CCDC186: variants seen among roughly 807,000 people sequenced by gnomAD.
CCDC186 encodes the protein coiled-coil domain containing 186.
In CCDC186, 49 loss-of-function variants were observed where a neutral mutation model predicts 113.7. The ratio of observed to expected loss-of-function variants is 0.43; its 90% confidence interval spans 0.34 to 0.55. CCDC186 has a LOEUF of 0.55. Ranked by LOEUF, CCDC186 falls within the 20% of genes least tolerant of loss-of-function variation. The probability of loss-of-function intolerance (pLI) is 0.02; values close to 1 mark genes in which losing one functional copy is unlikely to be tolerated. For missense variants in CCDC186, 890 were observed against 1,011.1 expected (o/e 0.88, Z 1.62); for synonymous variants, 355 against 345.8 (o/e 1.03, Z -0.30).
At chr10:114,125,550 C>CA (rs2030871185) in intron 15 of CCDC186, among the ~76,000 whole-genome samples, 2 of 151,754 alleles carry the variant, frequency 1.3e-5, no homozygotes, top group African/African-American at 4.8e-5. Context: ...ATATTAACTG[C>CA]AAAAAATAAA....
At chr10:114,141,853 A>C (rs2031478742) in intron 6 of CCDC186, among the ~76,000 whole-genome samples, 2 of 152,126 alleles carry the variant, frequency 1.3e-5, no homozygotes, top group Admixed American at 6.5e-5. Context: ...ACTCTCCAGG[A>C]ATACCTCATT....
intron 2 of CCDC186, among the ~76,000 whole-genome samples, 164 bp from the exon 3 acceptor site, chr10:114,157,844 CT>C (rs1270577696): frequency 1.3e-5 from 2 of 152,136 alleles, no homozygotes; most frequent in African/African-American, 4.8e-5. Flanking sequence ...AAACATAATA[CT>C]TTGCAAAAGA....
intron 6 of CCDC186, among the ~76,000 whole-genome samples, chr10:114,142,808 C>T (rs921126881): frequency 2.0e-5 from 3 of 152,102 alleles, no homozygotes; most frequent in Admixed American, 6.6e-5. Flanking sequence ...AGAAAGGGTG[C>T]CTCAAGAAAA....
chr10:114,145,630 A>G lies in CCDC186; in HGVS notation c.1020T>C (p.Asn340=). The G allele has an allele frequency of 6.2e-7, 1 of 1,613,268 alleles. No homozygotes were observed. The highest frequency in any genetic ancestry group is 1.1e-5 in the South Asian group (1 of 90,894). Residue 340 remains asparagine, a synonymous_variant, in exon 5 of 16, where the codon AAT becomes AAC. Transcript: ENST00000369287. ...ETLEKKLRDA[N]KELEKNTNKI... ...TGTTAGTGTTTTTCTCAAGTTCCTT[A>G]TTTGCATCTCTAAGTTTTTTCTCAA...
At chr10:114,131,899 GT>G in intron 11 of CCDC186, 29 bp downstream of exon 11, 1 of 1,558,508 alleles carries the variant, frequency 6.4e-7, no homozygotes, top group Non-Finnish European at 8.7e-7. Context: ...TTGTTACGTT[GT>G]TTTAAAAAAA....
intron 11 of CCDC186, among the ~76,000 whole-genome samples, 186 bp from the exon 12 acceptor site, chr10:114,131,522 G>A (rs1263702904): frequency 2.0e-5 from 3 of 152,078 alleles, no homozygotes; most frequent in Non-Finnish European, 2.9e-5. Flanking sequence ...GATACATTAA[G>A]GAGAATGTCA....
In CCDC186 at chr10:114,132,792, G is replaced by A. The variant is rs529726463; in HGVS notation, c.1656-608C>T. 7.2e-5 allele frequency among the ~76,000 whole-genome samples: 11 copies of A among 152,294 alleles called. No individual in the cohort carries two copies. The South Asian group carries it at 2.1e-3, about 29-fold the overall frequency. On this transcript the variant is annotated intron_variant, in intron 10 of 15. Coordinates refer to ENST00000369287, the MANE Select transcript of CCDC186 (RefSeq NM_018017.4). ...AACAAACAGTATGTGCTAAAAACTG[G>A]GAAGGGAATAAGAGGCTTCTTGTTG...
At chr10:114,137,449 G>A (rs1219873053) in intron 6 of CCDC186, among the ~76,000 whole-genome samples, 159 bp from the exon 7 acceptor site, 1 of 152,132 alleles carries the variant, frequency 6.6e-6, no homozygotes, top group Non-Finnish European at 1.5e-5. Flanking sequence ...AAATTAAAAT[G>A]ATCTGTAGAG....
At chr10:114,139,743 T>C (rs2031406815) in intron 6 of CCDC186, among the ~76,000 whole-genome samples, 1 of 152,288 alleles carries the variant, frequency 6.6e-6, no homozygotes, top group South Asian at 2.1e-4. Context: ...TATTTATTTT[T>C]TCAAATATTG....
Position 114,174,109 on chromosome 10 carries a change from A to G in CCDC186, c.-156T>C, listed in dbSNP as rs2032625613. Reference sequence around the variant, plus strand: ...CCATAGCGGGGTCCAACCAGCCAAGAGTGGGAGGAAAAGACCGCGGTGAGA... The same window carrying G: ...CCATAGCGGGGTCCAACCAGCCAAGGGTGGGAGGAAAAGACCGCGGTGAGA... On this transcript the variant is annotated 5_prime_UTR_variant, in exon 1 of 16. Transcript: ENST00000369287. The G allele has an allele frequency of 2.1e-6, 1 of 472,118 alleles. No individual in the cohort carries two copies. Among genetic ancestry groups the G allele is most frequent in the Non-Finnish European group, 4.4e-6 (1 of 227,062 alleles). The allele number at this position is 472,118 out of a possible 1,614,324, so 29.2% of individuals were successfully genotyped here.
intron 3 of CCDC186, among the ~76,000 whole-genome samples, chr10:114,156,248 G>T (rs540819807): frequency 2.6e-5 from 4 of 152,276 alleles, no homozygotes; most frequent in African/African-American, 9.6e-5. Flanking sequence ...TTTACCAATT[G>T]TTTACTGTTA....
In CCDC186 at chr10:114,120,891, G is replaced by A. The variant is rs946994336; in HGVS notation, c.*4252C>T. ...TAAATAGGCATTACCTATTTAATAA[G>A]TACAATATATACATAGAATCCTCTT... On this transcript the variant is annotated 3_prime_UTR_variant, in exon 16 of 16. Transcript: ENST00000369287. 2 of 152,030 alleles carry A rather than the reference G, an allele frequency of 1.3e-5. No individual in the cohort carries two copies. Among genetic ancestry groups the A allele is most frequent in the Non-Finnish European group, 2.9e-5 (2 of 68,014 alleles). 9.4% of individuals were successfully genotyped at this position (152,030 alleles called of 1,614,324 possible).
intron 6 of CCDC186, 66 bp downstream of exon 6, chr10:114,144,431 A>C (rs928712738): frequency 6.5e-7 from 1 of 1,531,792 alleles, no homozygotes; most frequent in African/African-American, 1.4e-5. Context: ...CAAAAAAAAA[A>C]CAAAAACAAA....
intron 12 of CCDC186, 97 bp downstream of exon 12, chr10:114,131,050 A>G: frequency 9.5e-7 from 1 of 1,053,778 alleles, no homozygotes; most frequent in Non-Finnish European, 1.3e-6. Flanking sequence ...AAGAAAACAT[A>G]CAGCTTCAAT....
intron 2 of CCDC186, among the ~76,000 whole-genome samples, chr10:114,159,664 A>G (rs895951433): frequency 6.8e-6 from 1 of 147,580 alleles, no homozygotes; most frequent in Admixed American, 6.7e-5. Context: ...AAAAAAAAAA[A>G]GAATTTTAGG....
intron 10 of CCDC186, among the ~76,000 whole-genome samples, chr10:114,132,976 G>GGACA (rs2031137402): frequency 1.3e-5 from 2 of 152,124 alleles, no homozygotes; most frequent in Non-Finnish European, 1.5e-5. Flanking sequence ...AAGCAGCAAG[G>GGACA]GACAGGTCAC....
intron 1 of CCDC186, among the ~76,000 whole-genome samples, chr10:114,166,876 T>A (rs771891519): frequency 6.6e-6 from 1 of 152,192 alleles, no homozygotes; most frequent in Non-Finnish European, 1.5e-5. Flanking sequence ...GTTTTACATA[T>A]CCTCCTCCTG....
rs746977221 is a variant in CCDC186 at position 114,163,009 on chromosome 10, G to A, written c.260C>T (p.Ser87Leu). The change falls in exon 2 of 16, where the codon TCA (serine) becomes TTA (leucine). Residue 87 changes from serine to leucine, a missense_variant. By Grantham distance (145) the Ser-to-Leu change is moderately radical. Coordinates refer to ENST00000369287, the MANE Select transcript of CCDC186 (RefSeq NM_018017.4). ...EDSCAKTDTG[S>L]ENSEQIANFP... is the part of the protein sequence containing the mutation. Reference sequence around the variant, plus strand: ...ATTAGCTATTTGTTCAGAATTTTCTGAGCCTGTGTCTGTTTTGGCACAAGA... The same window carrying A: ...ATTAGCTATTTGTTCAGAATTTTCTAAGCCTGTGTCTGTTTTGGCACAAGA... 1.2e-6 allele frequency: 2 copies of A among 1,614,006 alleles called. No individual in the cohort carries two copies. Among genetic ancestry groups the A allele is most frequent in the South Asian group, 1.1e-5 (1 of 91,050 alleles).
intron 3 of CCDC186, among the ~76,000 whole-genome samples, chr10:114,155,011 T>TG (rs1401518144): frequency 1.7e-4 from 26 of 152,346 alleles, no homozygotes; most frequent in African/African-American, 6.3e-4. Flanking sequence ...ATTCCATTTA[T>TG]ATGAAACGTC....
Sources: gnomAD v4.1 joint callset for allele counts (sites outside exome capture counted in the v4.1 genomes callset) on GRCh38, gnomAD v4.1.1 for gene constraint, MANE v1.5 for transcripts, NCBI Gene and HGNC (gene_info 2026-07-23, HGNC 2026-07-21) for gene names.